TTC29: variants seen among roughly 807,000 people sequenced by gnomAD.
TTC29 encodes tetratricopeptide repeat protein 29.
TTC29 carries 49 observed loss-of-function variants against 58.1 expected under a neutral mutation model. The ratio of observed to expected loss-of-function variants is 0.84; its 90% CI spans 0.67 to 1.07. TTC29 has a LOEUF of 1.07. TTC29 is among the 50% of genes least tolerant of loss of function. The probability of loss-of-function intolerance (pLI) is 0.00; values close to 1 mark genes in which losing one functional copy is unlikely to be tolerated. For missense variants in TTC29, 582 were observed against 555.6 expected (o/e 1.05, Z -0.48); for synonymous variants, 209 against 196.8 (o/e 1.06, Z -0.52).
rs564656257 is a variant in TTC29, at chr4:146,832,338, G to A, written c.977+1468C>T. Among the ~76,000 whole-genome samples, 4 of 152,190 alleles carry A rather than the reference G, an allele frequency of 2.6e-5. No homozygotes were observed. The South Asian group carries it at 8.3e-4, about 32-fold the overall frequency. ...CCTGTGTCTTCTGGGTTGTTGTTTGGAAGTAAAAGTTTTGAAAAATAGCTG... is the reference window on the plus strand; with the variant it reads ...CCTGTGTCTTCTGGGTTGTTGTTTGAAAGTAAAAGTTTTGAAAAATAGCTG... On this transcript the variant is annotated intron_variant, in intron 9 of 12. Transcript: ENST00000325106.
chr4:146,932,718 A>G (rs967924326), intron 4 of TTC29, among the ~76,000 whole-genome samples: 4 of 152,194 alleles, frequency 2.6e-5, no homozygotes, highest in Admixed American at 6.5e-5. Context: ...ACTTTGAGTA[A>G]GTATAATACA....
In TTC29 at chr4:146,848,805, C is replaced by T. The variant is rs571200092; in HGVS notation, c.886-14908G>A. The stretch of plus-strand genomic sequence containing the variant: ...ATTTGGAAGGAACTTAGACCTGTAC[C>T]TGTCCCCAGGACTGCTCCTGTTCCT... On this transcript the variant is annotated intron_variant, in intron 8 of 12. Coordinates refer to ENST00000325106, the MANE Select transcript of TTC29 (RefSeq NM_031956.4). Among the ~76,000 whole-genome samples, 16 of 152,302 alleles carry T rather than the reference C, an allele frequency of 1.1e-4. No homozygotes were observed. The South Asian group carries it at 3.1e-3, about 30-fold the overall frequency.
chr4:146,738,260 A>G (rs1291601312), intron 11 of TTC29, among the ~76,000 whole-genome samples: 1 of 152,328 alleles, frequency 6.6e-6, no homozygotes, highest in East Asian at 1.9e-4. Context: ...AAATGGATAA[A>G]TGGGTTATAA....
chr4:146,799,907 AT>A (rs1387472559), intron 11 of TTC29, among the ~76,000 whole-genome samples: 1 of 152,186 alleles, frequency 6.6e-6, no homozygotes, highest in African/African-American at 2.4e-5. Flanking sequence ...TGAGCCTTTC[AT>A]TTAAAAAAAT....
chr4:146,742,304 A>G (rs947363095), intron 11 of TTC29, among the ~76,000 whole-genome samples: 2 of 152,148 alleles, frequency 1.3e-5, no homozygotes, highest in African/African-American at 4.8e-5. Context: ...GCTGCAAGCC[A>G]ACCACAAGCA....
intron 6 of TTC29, among the ~76,000 whole-genome samples, chr4:146,887,043 T>C (rs570291761): frequency 6.6e-6 from 1 of 152,274 alleles, no homozygotes; most frequent in Non-Finnish European, 1.5e-5. Flanking sequence ...AGAATGGTAG[T>C]TGCCAGGGGC....
chr4:146,901,660 C>T (rs2150268190), intron 6 of TTC29, among the ~76,000 whole-genome samples: 1 of 152,248 alleles, frequency 6.6e-6, no homozygotes, highest in South Asian at 2.1e-4. Flanking sequence ...TTGCATCTTC[C>T]CTCTGGAACC....
At chr4:146,917,203 T>G (rs1579979460) in intron 4 of TTC29, among the ~76,000 whole-genome samples, 1 of 150,788 alleles carries the variant, frequency 6.6e-6, no homozygotes, top group South Asian at 2.1e-4. Flanking sequence ...GAATTTTTCA[T>G]TATAGTCATT....
Position 146,909,212 on chromosome 4 carries a change from T to C in TTC29, c.214A>G (p.Met72Val). The change falls in exon 5 of 13, where the codon ATG becomes GTG. Residue 72 changes from methionine to valine, a missense_variant. Physicochemically the swap from Met to Val is conservative, Grantham distance 21. Transcript: ENST00000325106. ...GACTTATGATAACCATCTCGCAGCA[T>C]GTCCACACAGATATTCTTCTTGTAG... ...NSYKKNICVDMLRDGYHKSFT... is the reference protein window; with the variant it reads ...NSYKKNICVDVLRDGYHKSFT... The C allele has an allele frequency of 6.2e-7, 1 of 1,613,566 alleles. No individual in the cohort carries two copies. The highest frequency in any genetic ancestry group is 8.5e-7 in the Non-Finnish European group (1 of 1,179,778).
At position 146,874,759 on chromosome 4, in the gene TTC29, C is replaced by T; in HGVS notation, c.756G>A (p.Gln252=). 6.2e-7 allele frequency: 1 copy of T among 1,608,710 alleles called. No individual in the cohort carries two copies. Among genetic ancestry groups the T allele is most frequent in the Non-Finnish European group, 8.5e-7 (1 of 1,177,854 alleles). ...DKMLENKEYK[Q]AIKILIKASE... is the part of the protein sequence containing the mutation. ...AAGCTTTTATTAGAATTTTGATGGC[C>T]TGTTTGTATTCTTTATTTTCTAGCA... The change falls in exon 7 of 13, where the codon CAG becomes CAA. Residue 252 remains glutamine (Q), a synonymous_variant. Coordinates refer to ENST00000325106, the MANE Select transcript of TTC29 (RefSeq NM_031956.4).
intron 10 of TTC29, among the ~76,000 whole-genome samples, chr4:146,813,672 C>G (rs1751177553): frequency 6.6e-6 from 1 of 152,030 alleles, no homozygotes; most frequent in Admixed American, 6.6e-5. Context: ...TTTCAAAATG[C>G]TAAAATATTA....
chr4:146,877,139 C>T (rs887431946), intron 6 of TTC29, among the ~76,000 whole-genome samples: 50 of 151,800 alleles, frequency 3.3e-4, no homozygotes, highest in African/African-American at 1.1e-3. Context: ...GATCTTGTTA[C>T]ATAAACAAGT....
intron 8 of TTC29, among the ~76,000 whole-genome samples, chr4:146,835,580 T>C (rs1728455866): frequency 6.6e-6 from 1 of 152,190 alleles, no homozygotes; most frequent in Non-Finnish European, 1.5e-5. Context: ...GGCACTATGT[T>C]AGACCGTAGG....
intron 11 of TTC29, among the ~76,000 whole-genome samples, chr4:146,736,642 T>A (rs574934504): frequency 1.3e-5 from 2 of 152,114 alleles, no homozygotes; most frequent in Non-Finnish European, 2.9e-5. Flanking sequence ...AACTAGAGAA[T>A]TTCCACTTGA....
chr4:146,852,857 A>G (rs983205472), intron 8 of TTC29, among the ~76,000 whole-genome samples: 3 of 152,218 alleles, frequency 2.0e-5, no homozygotes, highest in African/African-American at 7.2e-5. Context: ...TTCGGAATCT[A>G]TACGGCTGTA....
chr4:146,911,635 C>T (rs1733904222), intron 4 of TTC29, among the ~76,000 whole-genome samples: 3 of 152,170 alleles, frequency 2.0e-5, no homozygotes, highest in Admixed American at 2.0e-4. Flanking sequence ...AAGACCATGT[C>T]TCTGGGGTTA....
intron 4 of TTC29, among the ~76,000 whole-genome samples, chr4:146,914,836 A>C (rs1396913940): frequency 3.9e-5 from 6 of 152,168 alleles, no homozygotes; most frequent in Non-Finnish European, 8.8e-5. Flanking sequence ...AGATTTAAAA[A>C]ATCTAGAGAC....
intron 8 of TTC29, among the ~76,000 whole-genome samples, chr4:146,863,439 G>A (rs1285525897): frequency 6.6e-6 from 1 of 151,966 alleles, no homozygotes; most frequent in Non-Finnish European, 1.5e-5. Flanking sequence ...GCTTCAATTT[G>A]CTGAAAACAT....
intron 11 of TTC29, among the ~76,000 whole-genome samples, chr4:146,793,588 C>A (rs1441469414): frequency 2.6e-5 from 4 of 152,058 alleles, no homozygotes; most frequent in Admixed American, 2.6e-4. Flanking sequence ...CGCTTTATTG[C>A]AATGATCTGG....
Sources: gnomAD v4.1 joint callset for allele counts (sites outside exome capture counted in the v4.1 genomes callset) on GRCh38, gnomAD v4.1.1 for gene constraint, MANE v1.5 for transcripts, NCBI Gene and HGNC (gene_info 2026-07-23, HGNC 2026-07-21) for gene names.